The following SEC61A2 variants were observed in gnomAD, a reference collection of about 807,000 sequenced individuals.
SEC61A2 encodes protein transport protein Sec61 subunit alpha isoform 2.
SEC61A2 carries 28 observed loss-of-function variants against 59.9 expected under a neutral mutation model. That is an observed-to-expected ratio of 0.47 (90% CI 0.35 to 0.64). The LOEUF is 0.64. SEC61A2 is among the 30% of genes least tolerant of loss of function. SEC61A2 has a pLI of 0.01. For missense variants in SEC61A2, 340 were observed against 585.9 expected (o/e 0.58, Z 4.33); for synonymous variants, 202 against 214.4 (o/e 0.94, Z 0.50).
Position 12,133,278 on chromosome 10 carries a change from T to C in SEC61A2, c.45T>C (p.Val15=), listed in dbSNP as rs1480550460. 6.4e-7 allele frequency: 1 copy of C among 1,563,012 alleles called. No individual in the cohort carries two copies. The highest frequency in any genetic ancestry group is 1.1e-5 in the South Asian group (1 of 88,746). ...FLEVIKPFCA[V]LPEIQKPERK... is the part of the protein sequence containing the mutation. Reference sequence around the variant, plus strand: ...AAGTTATCAAACCATTCTGTGCAGTTCTACCAGAAATTCAGAAACCGGAAA... The same window carrying C: ...AAGTTATCAAACCATTCTGTGCAGTCCTACCAGAAATTCAGAAACCGGAAA... Residue 15 remains valine, a synonymous_variant, in exon 2 of 12, where the codon GTT becomes GTC. Coordinates refer to ENST00000298428, the MANE Select transcript of SEC61A2 (RefSeq NM_018144.4).
At position 12,155,045 on chromosome 10, in the gene SEC61A2, C is replaced by T. The variant is rs1834365266; in HGVS notation, c.463-733C>T. Among the ~76,000 whole-genome samples, 1 of 152,162 alleles carries T rather than the reference C, an allele frequency of 6.6e-6. No individual in the cohort carries two copies. On this transcript the variant is annotated intron_variant, in intron 6 of 11. Transcript: ENST00000298428. The surrounding 1 kb of genome is among the most constrained non-coding windows in gnomAD (Gnocchi z 4.3). ...TGTTTTTAATTAATGCATACTTTTA[C>T]AGGAATGTCTTCTCCAAGAAGCAAG...
downstream of SEC61A2, among the ~76,000 whole-genome samples, chr10:12,168,284 A>G (rs1426581842): frequency 1.3e-5 from 2 of 152,148 alleles, no homozygotes; most frequent in Non-Finnish European, 2.9e-5. This position sits in a 1 kb window ranked among gnomAD's most constrained non-coding sequence, Gnocchi z 4.8. Context: ...TCAGCCTCCC[A>G]AAGTGCTGGG....
intron 3 of SEC61A2, among the ~76,000 whole-genome samples, chr10:12,136,715 T>C (rs1293277847): frequency 6.6e-6 from 1 of 152,130 alleles, no homozygotes; most frequent in East Asian, 1.9e-4. Context: ...CTGCAACCTC[T>C]GCCTCCCCAG....
At chr10:12,151,027 G>A (rs919158708) in intron 6 of SEC61A2, among the ~76,000 whole-genome samples, 5 of 151,496 alleles carry the variant, frequency 3.3e-5, no homozygotes, top group African/African-American at 9.8e-5. Flanking sequence ...CGCCCGCCTC[G>A]GCCTCCCAAA....
chr10:12,157,824 A>C (rs1834439721), intron 8 of SEC61A2, 84 bp from the exon 9 acceptor site: 1 of 1,300,282 alleles, frequency 7.7e-7, no homozygotes, highest in South Asian at 1.2e-5. Flanking sequence ...CATCCCCCGC[A>C]CTGTTCTTTG....
At chr10:12,163,856 A>G (rs1834595071) in intron 11 of SEC61A2, among the ~76,000 whole-genome samples, 1 of 152,048 alleles carries the variant, frequency 6.6e-6, no homozygotes, top group African/African-American at 2.4e-5. Flanking sequence ...AGGTGATTCT[A>G]ATGTGCAGCC....
rs146484607 is a variant in SEC61A2 at position 12,149,691 on chromosome 10, C to T, written c.317C>T (p.Pro106Leu). ...GAKIIEVGDT[P>L]KDRALFNGAQ... ...AAAATCATTGAAGTTGGAGATACAC[C>T]GAAAGATAGAGCTTTATTCAATGGA... The change falls in exon 5 of 12, where the codon CCG becomes CTG. Residue 106 changes from proline to leucine, a missense_variant. Pro to Leu is a moderately conservative substitution (Grantham distance 98). This residue lies in a region of SEC61A2 where 283 missense variants were observed against 483.2 expected (regional missense o/e 0.59). Transcript: ENST00000298428. The surrounding 1 kb of genome is among the most constrained non-coding windows in gnomAD (Gnocchi z 5.2). 3.1e-6 allele frequency: 5 copies of T among 1,613,572 alleles called. No individual in the cohort carries two copies. Among genetic ancestry groups the T allele is most frequent in the Admixed American group, 1.7e-5 (1 of 59,874 alleles).
At position 12,155,027 on chromosome 10, in the gene SEC61A2, A is replaced by T. The variant is rs969937581; in HGVS notation, c.463-751A>T. On this transcript the variant is annotated intron_variant, in intron 6 of 11. Coordinates refer to ENST00000298428, the MANE Select transcript of SEC61A2 (RefSeq NM_018144.4). The surrounding 1 kb of genome is among the most constrained non-coding windows in gnomAD (Gnocchi z 4.3). ...ACTTGAAGGGCTAGGGACTGTTTTT[A>T]ATTAATGCATACTTTTACAGGAATG... Among the ~76,000 whole-genome samples the T allele has an allele frequency of 1.3e-5, 2 of 152,158 alleles. No homozygotes were observed. The highest frequency in any genetic ancestry group is 4.8e-5 in the African/African-American group (2 of 41,442).
Position 12,154,656 on chromosome 10 carries a change from C to T in SEC61A2, c.463-1122C>T, listed in dbSNP as rs764053459. On this transcript the variant is annotated intron_variant, in intron 6 of 11. Coordinates refer to ENST00000298428, the MANE Select transcript of SEC61A2 (RefSeq NM_018144.4). The surrounding 1 kb of genome is among the most constrained non-coding windows in gnomAD (Gnocchi z 5.2). ...GGAGAATCGTACCCTTTCTCCTGCC[C>T]ATTGAAACTCAGACTAAAAGCCTGT... Among the ~76,000 whole-genome samples, 5 of 152,140 alleles carry T rather than the reference C, an allele frequency of 3.3e-5. No homozygotes were observed. Among genetic ancestry groups the T allele is most frequent in the Non-Finnish European group, 5.9e-5 (4 of 68,030 alleles).
At chr10:12,132,473 G>T (rs543435109) in intron 1 of SEC61A2, among the ~76,000 whole-genome samples, 1 of 151,766 alleles carries the variant, frequency 6.6e-6, no homozygotes, top group African/African-American at 2.4e-5. Context: ...AATTAGCTGG[G>T]CTTGGTGGCA....
At chr10:12,168,924 G>A (rs564512126), downstream of SEC61A2, among the ~76,000 whole-genome samples, 25 of 152,124 alleles carry the variant, frequency 1.6e-4, no homozygotes, top group South Asian at 5.2e-3. This position sits in a 1 kb window ranked among gnomAD's most constrained non-coding sequence, Gnocchi z 4.8. Context: ...CACCATGCCT[G>A]GCTAATTTTT....
intron 3 of SEC61A2, among the ~76,000 whole-genome samples, chr10:12,141,648 T>C (rs1440494590): frequency 2.2e-4 from 34 of 152,228 alleles, no homozygotes; most frequent in Non-Finnish European, 2.9e-5. Context: ...AGATATCTCC[T>C]CCTAGTTTGA....
chr10:12,157,676 G>T (rs1451045654), intron 8 of SEC61A2, among the ~76,000 whole-genome samples: 1 of 151,936 alleles, frequency 6.6e-6, no homozygotes, highest in Non-Finnish European at 1.5e-5. Context: ...CTAATTTTTT[G>T]TATTTTAGTA....
At chr10:12,157,795 C>T (rs1163464260) in intron 8 of SEC61A2, 113 bp from the exon 9 acceptor site, 2 of 981,066 alleles carry the variant, frequency 2.0e-6, no homozygotes, top group African/African-American at 3.2e-5. Flanking sequence ...GCCCCTGTGC[C>T]CGGCCGGCAT....
chr10:12,156,322 C>G lies in SEC61A2; in HGVS notation c.616+391C>G, dbSNP rs1305100076. Among the ~76,000 whole-genome samples, 1 of 152,186 alleles carries G rather than the reference C, an allele frequency of 6.6e-6. No homozygotes were observed. The highest frequency in any genetic ancestry group is 1.5e-5 in the Non-Finnish European group (1 of 68,038). The stretch of plus-strand genomic sequence containing the variant: ...GTTCATTGAATCCACCTGGAGCACT[C>G]CTACTCTGCTGCTCTTCTAATTGGC... On this transcript the variant is annotated intron_variant, in intron 7 of 11. Transcript: ENST00000298428. This position sits in a 1 kb window ranked among gnomAD's most constrained non-coding sequence, Gnocchi z 5.2.
chr10:12,139,282 T>C (rs1833955507), intron 3 of SEC61A2, among the ~76,000 whole-genome samples: 1 of 151,526 alleles, frequency 6.6e-6, no homozygotes, highest in South Asian at 2.1e-4. Flanking sequence ...CCATTTTGTA[T>C]TTCCACCAGC....
downstream of SEC61A2, chr10:12,169,356 T>TG (rs1206530928): frequency 2.7e-6 from 4 of 1,464,630 alleles, no homozygotes; most frequent in Non-Finnish European, 3.7e-6. The surrounding 1 kb of genome is among the most constrained non-coding windows in gnomAD (Gnocchi z 4.8). Flanking sequence ...ATTTCACACT[T>TG]GCCTACGTCA....
chr10:12,160,842 T>G lies in SEC61A2; in HGVS notation c.976-88T>G. The stretch of plus-strand genomic sequence containing the variant: ...TGTAGATGCCTTGAACTTAAAACAC[T>G]GTCATTTCTGAGAAGTTTGAAGTGA... On this transcript the variant is annotated intron_variant, in intron 9 of 11. Transcript: ENST00000298428. This position sits in a 1 kb window ranked among gnomAD's most constrained non-coding sequence, Gnocchi z 4.1. 8.7e-7 allele frequency: 1 copy of G among 1,142,954 alleles called. No individual in the cohort carries two copies. Among genetic ancestry groups the G allele is most frequent in the South Asian group, 1.5e-5 (1 of 64,526 alleles). The allele number at this position is 1,142,954 out of a possible 1,614,324, so 70.8% of individuals were successfully genotyped here. A position where few individuals can be genotyped will look rare whatever the true frequency, so the allele number is the denominator to read the frequency against.
chr10:12,156,017 G>T lies in SEC61A2; in HGVS notation c.616+86G>T. 1 of 1,466,942 alleles carries T rather than the reference G, an allele frequency of 6.8e-7. No individual in the cohort carries two copies. The highest frequency in any genetic ancestry group is 9.5e-7 in the Non-Finnish European group (1 of 1,054,512). The allele number at this position is 1,466,942 out of a possible 1,614,324, so 90.9% of individuals were successfully genotyped here. A position where few individuals can be genotyped will look rare whatever the true frequency, so the allele number is the denominator to read the frequency against. ...CATCGTGTCGCAGTACATGCCTAGAGCCGTTCTGGTTTGCTCTCCTAGGGG... is the reference window on the plus strand; with the variant it reads ...CATCGTGTCGCAGTACATGCCTAGATCCGTTCTGGTTTGCTCTCCTAGGGG... On this transcript the variant is annotated intron_variant, in intron 7 of 11. Coordinates refer to ENST00000298428, the MANE Select transcript of SEC61A2 (RefSeq NM_018144.4). The surrounding 1 kb of genome is among the most constrained non-coding windows in gnomAD (Gnocchi z 5.2).
Sources: allele counts gnomAD v4.1 joint callset (sites outside exome capture counted in the v4.1 genomes callset), GRCh38; gene constraint gnomAD v4.1.1; regional missense constraint gnomAD v4.1.1; non-coding constraint Gnocchi (gnomAD v3.1); transcripts MANE v1.5; gene names NCBI Gene and HGNC (gene_info 2026-07-23, HGNC 2026-07-21).